CTTNBP2: variants seen among roughly 807,000 people sequenced by gnomAD.
CTTNBP2 encodes cortactin binding protein 2.
In CTTNBP2, 108 loss-of-function variants were observed where a neutral mutation model predicts 156.9. The ratio of observed to expected loss-of-function variants is 0.69; its 90% CI spans 0.59 to 0.81. The LOEUF (loss-of-function observed/expected upper bound fraction) is 0.81. Ranked by LOEUF, CTTNBP2 falls within the 30% of genes least tolerant of loss-of-function variation. CTTNBP2 has a pLI of 0.00. For synonymous variants in CTTNBP2, 767 were observed against 751.8 expected (o/e 1.02, Z -0.33); for missense variants, 1,924 against 2,035.4 (o/e 0.95, Z 1.05).
At chr7:117,713,361 C>T (rs1794165506) in intron 22 of CTTNBP2, among the ~76,000 whole-genome samples, 1 of 152,204 alleles carries the variant, frequency 6.6e-6, no homozygotes, top group South Asian at 2.1e-4. Context: ...CACTAATTCA[C>T]CTATATGTCT....
intron 16 of CTTNBP2, among the ~76,000 whole-genome samples, chr7:117,732,649 C>CAAA (rs397710322): frequency 2.1e-4 from 9 of 42,978 alleles, no homozygotes; most frequent in African/African-American, 4.3e-4. Context: ...GACTCCGTCT[C>CAAA]AAAAAAAAAA....
chr7:117,776,291 T>C (rs923209787), intron 8 of CTTNBP2, among the ~76,000 whole-genome samples: 4 of 152,222 alleles, frequency 2.6e-5, no homozygotes, highest in African/African-American at 9.6e-5. Flanking sequence ...TAGTATCCCT[T>C]CCTGATACCA....
chr7:117,807,450 A>C (rs7806235), intron 3 of CTTNBP2, among the ~76,000 whole-genome samples: 3 of 151,996 alleles, frequency 2.0e-5, no homozygotes, highest in African/African-American at 7.3e-5. Flanking sequence ...GAAATCAAGG[A>C]AACAAAACAA....
chr7:117,802,437 C>CAAAAA (rs759797673), intron 3 of CTTNBP2, among the ~76,000 whole-genome samples: 9 of 83,756 alleles, frequency 1.1e-4, no homozygotes, highest in East Asian at 5.1e-4. Context: ...TCAGCATTGG[C>CAAAAA]AAAAAAAAAA....
At position 117,830,243 on chromosome 7, in the gene CTTNBP2, G is replaced by A. The variant is rs1048150832; in HGVS notation, c.190-19254C>T. 8.5e-5 allele frequency among the ~76,000 whole-genome samples: 13 copies of A among 152,178 alleles called. 1 individual carries two copies. Among genetic ancestry groups the A allele is most frequent in the Middle Eastern group, 6.8e-3 (2 of 294 alleles). Reference sequence around the variant, plus strand: ...ATACATGCACAAGTACATGTACAGCGTGTACAACAGGCAATCAAGTTATTT... The same window carrying A: ...ATACATGCACAAGTACATGTACAGCATGTACAACAGGCAATCAAGTTATTT... On this transcript the variant is annotated intron_variant, in intron 2 of 22. Transcript: ENST00000160373.
intron 7 of CTTNBP2, 43 bp from the exon 8 acceptor site, chr7:117,777,808 T>G: frequency 6.4e-7 from 1 of 1,556,380 alleles, no homozygotes; most frequent in Non-Finnish European, 8.7e-7. Flanking sequence ...ATAACAACAT[T>G]AATGTCAAGG....
chr7:117,754,529 A>G (rs1796786323), intron 12 of CTTNBP2, among the ~76,000 whole-genome samples: 1 of 152,254 alleles, frequency 6.6e-6, no homozygotes, highest in Non-Finnish European at 1.5e-5. Flanking sequence ...AAACAACTGA[A>G]ATAACAGGAC....
chr7:117,816,504 T>C (rs1424244523), intron 2 of CTTNBP2, among the ~76,000 whole-genome samples: 1 of 152,082 alleles, frequency 6.6e-6, no homozygotes, highest in African/African-American at 2.4e-5. Flanking sequence ...CACCCACATA[T>C]CTCCCCATGA....
chr7:117,711,349 TAAAA>T lies in CTTNBP2; in HGVS notation c.*184_*187del, dbSNP rs879309776. 2 of 544,318 alleles carry T rather than the reference TAAAA, an allele frequency of 3.7e-6. No homozygotes were observed. Among genetic ancestry groups the T allele is most frequent in the Admixed American group, 4.0e-5 (1 of 25,000 alleles). 33.7% of individuals were successfully genotyped at this position (544,318 alleles called of 1,614,324 possible). ...GTATTGAAGTTCAATCCTACAGAATTAAAAAAAAAAGCAACAAAATGTTGGTTAT... is the reference window on the plus strand; with the variant it reads ...GTATTGAAGTTCAATCCTACAGAATTAAAAAAGCAACAAAATGTTGGTTAT... On this transcript the variant is annotated 3_prime_UTR_variant, in exon 23 of 23. Transcript: ENST00000160373.
At chr7:117,741,838 T>C (rs183390828) in intron 14 of CTTNBP2, among the ~76,000 whole-genome samples, 14 of 152,382 alleles carry the variant, frequency 9.2e-5, no homozygotes, top group Admixed American at 8.5e-4. Flanking sequence ...TGCTGCCACC[T>C]GAATTAAACT....
chr7:117,811,313 C>A (rs187572615), intron 2 of CTTNBP2, among the ~76,000 whole-genome samples: 1 of 152,004 alleles, frequency 6.6e-6, no homozygotes, highest in Non-Finnish European at 1.5e-5. Context: ...CACCCCTCCA[C>A]CCCGCCCAAC....
chr7:117,726,486 C>CG (rs1206856754), intron 17 of CTTNBP2, among the ~76,000 whole-genome samples: 4 of 151,558 alleles, frequency 2.6e-5, no homozygotes, highest in South Asian at 2.1e-4. Flanking sequence ...AAGCTGTGGT[C>CG]GGAAAAAAAA....
At chr7:117,865,686 A>AAAG (rs891128818) in intron 1 of CTTNBP2, among the ~76,000 whole-genome samples, 3 of 149,454 alleles carry the variant, frequency 2.0e-5, no homozygotes, top group East Asian at 1.9e-4. Context: ...AAAAAAAAAA[A>AAAG]AAAAGAAAAG....
At chr7:117,865,668 C>A (rs1221177519) in intron 1 of CTTNBP2, among the ~76,000 whole-genome samples, 3 of 102,314 alleles carry the variant, frequency 2.9e-5, no homozygotes, top group Non-Finnish European at 5.6e-5. Context: ...AAGACTCCAT[C>A]TCCAAAAAAA....
chr7:117,867,308 A>G (rs1297734876), intron 1 of CTTNBP2, among the ~76,000 whole-genome samples: 1 of 152,066 alleles, frequency 6.6e-6, no homozygotes, highest in African/African-American at 2.4e-5. Flanking sequence ...TTCAGCACAT[A>G]GCTCAAACCC....
At chr7:117,712,355 C>T (rs897980533) in intron 22 of CTTNBP2, 5 of 152,292 alleles carry the variant, frequency 3.3e-5, no homozygotes, top group African/African-American at 1.2e-4. Context: ...CCTGTGATTA[C>T]CTGGTCAATG....
intron 2 of CTTNBP2, among the ~76,000 whole-genome samples, chr7:117,823,800 C>T (rs546432298): frequency 8.5e-5 from 13 of 152,320 alleles, no homozygotes; most frequent in Non-Finnish European, 1.6e-4. Context: ...AAGTGATCCT[C>T]CCTGCTCAGT....
chr7:117,792,086 T>C lies in CTTNBP2; in HGVS notation c.1110A>G (p.Val370=), dbSNP rs572669898. The change falls in exon 4 of 23, where the codon GTA becomes GTG. Residue 370 remains valine, a synonymous_variant. Coordinates refer to ENST00000160373, the MANE Select transcript of CTTNBP2 (RefSeq NM_033427.3). The surrounding 1 kb of genome is among the most constrained non-coding windows in gnomAD (Gnocchi z 4.2). ...TTGCACTTGGAGGTGGGAAAGCGGGTACAGAAGCGCCAATCAAGTCACCAT... is the reference window on the plus strand; with the variant it reads ...TTGCACTTGGAGGTGGGAAAGCGGGCACAGAAGCGCCAATCAAGTCACCAT... ...ASYGDLIGAS[V]PAFPPPSANK... is the part of the protein sequence containing the mutation. 10 of 1,614,046 alleles carry C rather than the reference T, an allele frequency of 6.2e-6. No homozygotes were observed. The South Asian group carries it at 8.8e-5, about 14-fold the overall frequency.
Position 117,810,941 on chromosome 7 carries a change from G to A in CTTNBP2, c.238C>T (p.Leu80=). 6.2e-7 allele frequency: 1 copy of A among 1,614,024 alleles called. No individual in the cohort carries two copies. Among genetic ancestry groups the A allele is most frequent in the South Asian group, 1.1e-5 (1 of 91,076 alleles). ...TGGAGTGCCAGGAACGGGTCATTTA[G>A]ATTAAATCTCCCATACCGTTCCTGG... ...FIQERYGRFN[L]NDPFLALQRD... Residue 80 remains leucine, a synonymous_variant, in exon 3 of 23, where the codon CTA becomes TTA. Transcript: ENST00000160373.
Sources: gnomAD v4.1 joint callset for allele counts (sites outside exome capture counted in the v4.1 genomes callset) on GRCh38, gnomAD v4.1.1 for gene constraint, Gnocchi (gnomAD v3.1) non-coding constraint, MANE v1.5 for transcripts, NCBI Gene and HGNC (gene_info 2026-07-23, HGNC 2026-07-21) for gene names.